The following MCCC1 variants were observed in gnomAD, a reference collection of about 807,000 sequenced individuals.
MCCC1 encodes methylcrotonyl-CoA carboxylase subunit 1, also known as methylcrotonoyl-CoA carboxylase subunit alpha, mitochondrial.
Under a neutral mutation model 83.8 loss-of-function variants are expected in MCCC1, and 64 were observed. The observed-to-expected ratio is 0.76, with a 90% CI of 0.62 to 0.94. The LOEUF (loss-of-function observed/expected upper bound fraction) is 0.94, where lower values mean the gene tolerates loss of function less well. Ranked by LOEUF, MCCC1 falls within the 40% of genes least tolerant of loss-of-function variation. MCCC1 has a pLI of 0.00. For synonymous variants in MCCC1, 322 were observed against 315.4 expected (o/e 1.02, Z -0.22); for missense variants, 807 against 904.7 (o/e 0.89, Z 1.39).
At chr3:183,091,935 C>T (rs924219810) in intron 3 of MCCC1, among the ~76,000 whole-genome samples, 6 of 152,020 alleles carry the variant, frequency 3.9e-5, no homozygotes, top group East Asian at 3.9e-4. Context: ...CTACTCTAGA[C>T]GTCGAGGCAG....
At chr3:183,110,160 C>T (rs1034181195) in intron 1 of MCCC1, among the ~76,000 whole-genome samples, 3 of 152,148 alleles carry the variant, frequency 2.0e-5, no homozygotes, top group Admixed American at 2.0e-4. Flanking sequence ...TTGTCAGATG[C>T]CTAATTTGCA....
intron 3 of MCCC1, among the ~76,000 whole-genome samples, chr3:183,092,068 A>G (rs1718396811): frequency 6.6e-6 from 1 of 152,000 alleles, no homozygotes; most frequent in South Asian, 2.1e-4. Context: ...AAAAGAAAAA[A>G]AAAGAATAGA....
intron 14 of MCCC1, among the ~76,000 whole-genome samples, chr3:183,030,396 G>A (rs559090266): frequency 5.3e-5 from 8 of 152,220 alleles, no homozygotes; most frequent in Admixed American, 3.3e-4. Flanking sequence ...CTGTGCTCAC[G>A]CTTCTCCTTC....
rs564622695 is a variant in MCCC1 at position 183,057,906 on chromosome 3, G to A, written c.762-484C>T. On this transcript the variant is annotated intron_variant, in intron 7 of 18. Transcript: ENST00000265594. ...AAACTATAATCTTGTAAAACTCAAT[G>A]AAAATGTTACCATTTGTAGGATGAA... Among the ~76,000 whole-genome samples the A allele has an allele frequency of 2.0e-5, 3 of 152,194 alleles. No individual in the cohort carries two copies. In the East Asian group the frequency reaches 5.8e-4, roughly 29 times the overall value.
intron 9 of MCCC1, among the ~76,000 whole-genome samples, chr3:183,048,459 C>T (rs555665981): frequency 1.3e-5 from 2 of 151,988 alleles, no homozygotes; most frequent in Non-Finnish European, 2.9e-5. Flanking sequence ...AAAGAAAGTG[C>T]GAGTAGCCAT....
rs1322665379 is a variant in MCCC1, at chr3:183,037,276, G to A, written c.1536C>T (p.Ala512=). The A allele has an allele frequency of 6.2e-7, 1 of 1,613,980 alleles. No individual in the cohort carries two copies. Among genetic ancestry groups the A allele is most frequent in the East Asian group, 2.2e-5 (1 of 44,880 alleles). ...CTTTCTCCTTGAGGATGAGACCCAG[G>A]GCTGCCTGGCATAAAGACTCTTTGG... ...AAAKESLCQA[A]LGLILKEKAM... Residue 512 remains alanine (A), a synonymous_variant, in exon 13 of 19, where the codon GCC becomes GCT. Transcript: ENST00000265594.
Position 183,113,398 on chromosome 3 carries a change from T to C in MCCC1, c.-102+2076A>G, listed in dbSNP as rs536125043. On this transcript the variant is annotated intron_variant, in intron 1 of 17. Transcript: ENST00000492597. ...CACTTGGACAGGAAGGGGAACATCA[T>C]ACTCCGGGGACTGTTGTGGGGTGGG... Among the ~76,000 whole-genome samples the C allele has an allele frequency of 8.5e-3, 965 of 113,246 alleles. 4 individuals are homozygous for C. Among genetic ancestry groups the C allele is most frequent in the Non-Finnish European group, 0.011 (646 of 59,514 alleles). 74.3% of individuals were successfully genotyped at this position (113,246 alleles called of 152,430 possible). A position where few individuals can be genotyped will look rare whatever the true frequency, so the allele number is the denominator to read the frequency against.
At position 183,064,619 on chromosome 3, in the gene MCCC1, G is replaced by T. The variant is rs966736423; in HGVS notation, c.761+6380C>A. ...CTCCCCGGTTCGCCGGCTGCGGTAC[G>T]CCTCCTGCGCGTTGCCGAAGTCCAC... is the stretch of plus-strand genomic sequence containing the variant. On this transcript the variant is annotated intron_variant, in intron 7 of 18. Transcript: ENST00000265594. The surrounding 1 kb of genome is among the most constrained non-coding windows in gnomAD (Gnocchi z 4.5). 5.9e-5 allele frequency among the ~76,000 whole-genome samples: 9 copies of T among 152,188 alleles called. No individual in the cohort carries two copies. The highest frequency in any genetic ancestry group is 2.0e-4 in the Admixed American group (3 of 15,276).
At chr3:183,029,789 C>T (rs1712899505) in intron 14 of MCCC1, among the ~76,000 whole-genome samples, 1 of 152,132 alleles carries the variant, frequency 6.6e-6, no homozygotes, top group Non-Finnish European at 1.5e-5. Flanking sequence ...TCCTTCCATT[C>T]CTACTGCTCT....
chr3:183,087,264 T>G (rs1482371147), intron 3 of MCCC1, among the ~76,000 whole-genome samples: 1 of 152,202 alleles, frequency 6.6e-6, no homozygotes, highest in Non-Finnish European at 1.5e-5. Flanking sequence ...ATATTATTCC[T>G]TAAAACTTAC....
intron 4 of MCCC1, 23 bp downstream of exon 4, chr3:183,086,670 G>A (rs373560077): frequency 3.4e-5 from 55 of 1,607,012 alleles, no homozygotes; most frequent in Non-Finnish European, 4.4e-5. Context: ...CTTTTGCACT[G>A]CAAATCTCTT....
intron 12 of MCCC1, among the ~76,000 whole-genome samples, chr3:183,038,203 T>C (rs946322089): frequency 2.0e-5 from 3 of 152,136 alleles, no homozygotes; most frequent in Non-Finnish European, 4.4e-5. Context: ...TTGAATATAA[T>C]GTTACATGCT....
At position 183,086,786 on chromosome 3, in the gene MCCC1, T is replaced by G; in HGVS notation, c.276A>C (p.Ala92=). 6.2e-7 allele frequency: 1 copy of G among 1,613,838 alleles called. No individual in the cohort carries two copies. Among genetic ancestry groups the G allele is most frequent in the Non-Finnish European group, 8.5e-7 (1 of 1,179,836 alleles). The part of the protein sequence containing the change: ...ADRNSMHVDM[A]DEAYSIGPAP... ...CGGGGCCGATGGAATATGCTTCATCTGCCTGTTTAAGAAACATCACATGCT... is the reference window on the plus strand; with the variant it reads ...CGGGGCCGATGGAATATGCTTCATCGGCCTGTTTAAGAAACATCACATGCT... The change falls in exon 4 of 19, where the codon GCA becomes GCC. Residue 92 remains alanine (A), a splice_region_variant and synonymous_variant. Transcript: ENST00000265594.
chr3:183,115,456 A>T (rs1719572917), intron 1 of MCCC1: 1 of 152,168 alleles, frequency 6.6e-6, no homozygotes, highest in African/African-American at 2.4e-5. Flanking sequence ...TTCAAAATCC[A>T]ACCCCAGGAG....
intron 13 of MCCC1, among the ~76,000 whole-genome samples, chr3:183,034,477 A>AAAC (rs1560216307): frequency 2.6e-5 from 4 of 150,984 alleles, no homozygotes; most frequent in Non-Finnish European, 3.0e-5. Flanking sequence ...AAACAAAAAA[A>AAAC]CACACGTCCT....
Position 183,040,741 on chromosome 3 carries a change from A to C in MCCC1, c.1267+826T>G, listed in dbSNP as rs527644113. On this transcript the variant is annotated intron_variant, in intron 11 of 18. Coordinates refer to ENST00000265594, the MANE Select transcript of MCCC1 (RefSeq NM_020166.5). ...TGTCTCAAAAACAAAAACAAACAAA[A>C]AAACAAACAAACAAAAAACTTGTCC... 6.6e-5 allele frequency among the ~76,000 whole-genome samples: 10 copies of C among 151,152 alleles called. No homozygotes were observed. In the South Asian group the frequency reaches 8.3e-4, roughly 13 times the overall value.
intron 10 of MCCC1, among the ~76,000 whole-genome samples, chr3:183,044,825 A>G (rs1445914882): frequency 6.6e-6 from 1 of 152,140 alleles, no homozygotes; most frequent in African/African-American, 2.4e-5. Flanking sequence ...TCCTGTCCTC[A>G]TAACCACCAA....
chr3:183,089,316 G>A (rs1249321599), intron 3 of MCCC1, among the ~76,000 whole-genome samples: 1 of 152,182 alleles, frequency 6.6e-6, no homozygotes, highest in Non-Finnish European at 1.5e-5. Flanking sequence ...TAAGAGTGGA[G>A]GTGGAGAGGC....
chr3:183,034,396 AG>A (rs1713357832), intron 13 of MCCC1, among the ~76,000 whole-genome samples: 1 of 145,364 alleles, frequency 6.9e-6, no homozygotes, highest in Non-Finnish European at 1.5e-5. Context: ...GCTTGCAGTG[AG>A]CCAAGATTGC....
Sources: allele counts gnomAD v4.1 joint callset (sites outside exome capture counted in the v4.1 genomes callset), GRCh38; gene constraint gnomAD v4.1.1; non-coding constraint Gnocchi (gnomAD v3.1); transcripts MANE v1.5; gene names NCBI Gene and HGNC (gene_info 2026-07-23, HGNC 2026-07-21).